The following PAK3 variants were observed in gnomAD, a reference collection of about 807,000 sequenced individuals.
PAK3 encodes p21 (RAC1) activated kinase 3.
In PAK3, 4 loss-of-function variants were observed where a neutral mutation model predicts 41.0. That is an observed-to-expected ratio of 0.10 (90% CI 0.05 to 0.22). The LOEUF (loss-of-function observed/expected upper bound fraction) is 0.22. Among genes scored for constraint, PAK3 ranks in the 10% least tolerant of loss-of-function variants. The pLI is 1.00. For missense variants in PAK3, 205 were observed against 409.9 expected, an observed-to-expected ratio of 0.50 and a Z score of 4.32; for synonymous variants, 146 against 139.6, an observed-to-expected ratio of 1.05 and a Z score of -0.32.
At chrX:111,139,348 T>G (rs1305690830) in intron 5 of PAK3, among the ~76,000 whole-genome samples, 1 of 111,734 alleles carries the variant, frequency 8.9e-6, no homozygotes, top group Admixed American at 9.5e-5. Flanking sequence ...TAATTTTGAA[T>G]ATATAGCTTA....
rs147397897 is a variant in PAK3 at position 111,148,545 on chromosome X, A to G, written c.430+655A>G. Among the ~76,000 whole-genome samples the G allele has an allele frequency of 3.1e-3, 347 of 111,666 alleles. 5 individuals carry two copies. Among genetic ancestry groups the G allele is most frequent in the East Asian group, 0.024 (85 of 3,536 alleles). On this transcript the variant is annotated intron_variant, in intron 7 of 17. Coordinates refer to ENST00000372007, the MANE Select transcript of PAK3 (RefSeq NM_002578.5). The stretch of plus-strand genomic sequence containing the variant: ...AAGACTGGGAAGAAAAAGAGGTTTA[A>G]TTGGACTTACGGTTCCACATGGCTG...
chrX:111,128,055 G>A (rs2093671872), intron 5 of PAK3, among the ~76,000 whole-genome samples: 1 of 112,550 alleles, frequency 8.9e-6, no homozygotes, highest in Non-Finnish European at 1.9e-5. Context: ...CAATGTTAAG[G>A]ACTTGAAGCT....
At chrX:111,122,255 GAAAA>G (rs747134804) in intron 4 of PAK3, among the ~76,000 whole-genome samples, 1 of 23,276 alleles carries the variant, frequency 4.3e-5, no homozygotes, top group African/African-American at 1.5e-4. Flanking sequence ...GACTCCATCT[GAAAA>G]AAAAAAAAAA....
intron 1 of PAK3, among the ~76,000 whole-genome samples, chrX:110,997,895 A>G (rs1443405229): frequency 9.0e-6 from 1 of 111,477 alleles, no homozygotes; most frequent in Non-Finnish European, 1.9e-5. Flanking sequence ...ACGTGAGGAC[A>G]CAGCAAGAAG....
rs1234305273 is a variant in PAK3, at chrX:111,173,058, A to G, written c.807A>G (p.Thr269=). ...TTGGGGACCCAAAGAAAAAATACAC[A>G]AGATTTGAAAAAATTGGTCAAGGGT... ...VSVGDPKKKY[T]RFEKIGQGAS... is the part of the protein sequence containing the mutation. The change falls in exon 11 of 18, where the codon ACA becomes ACG. Residue 269 remains threonine (T), a synonymous_variant. Transcript: ENST00000372007. The G allele has an allele frequency of 1.8e-6, 2 of 1,107,977 alleles. No individual in the cohort carries two copies. Among genetic ancestry groups the G allele is most frequent in the Admixed American group, 4.4e-5 (2 of 45,587 alleles). The allele number at this position is 1,107,977 out of a possible 1,213,427, so 91.3% of individuals were successfully genotyped here. A position where few individuals can be genotyped will look rare whatever the true frequency, so the allele number is the denominator to read the frequency against.
chrX:111,168,080 T>G (rs188409003), intron 10 of PAK3, among the ~76,000 whole-genome samples: 110 of 111,352 alleles, frequency 9.9e-4, no homozygotes, highest in Non-Finnish European at 1.8e-3. Flanking sequence ...ATTTAGAGAA[T>G]CTTTTTACTT....
chrX:111,117,672 A>C (rs2093490282), intron 4 of PAK3, among the ~76,000 whole-genome samples: 1 of 111,720 alleles, frequency 9.0e-6, no homozygotes, highest in South Asian at 3.8e-4. Flanking sequence ...CATTATGAAA[A>C]ACTTACTCCA....
At chrX:111,005,992 A>G (rs150923525) in intron 1 of PAK3, among the ~76,000 whole-genome samples, 57 of 111,659 alleles carry the variant, frequency 5.1e-4, no homozygotes, top group African/African-American at 1.8e-3. Flanking sequence ...TACCCTGCTG[A>G]CAAGAGTTCC....
rs1243556005 is a variant in PAK3, at chrX:111,060,898, T to TA, written c.-27-62171dup. On this transcript the variant is annotated intron_variant, in intron 1 of 14. Coordinates refer to the PAK3 transcript ENST00000425146. Reference sequence around the variant, plus strand: ...TTTTATTGCCAATACTTGATTTTTTTAAAAAAAATTACATTTTGAAAATTG... The same window carrying TA: ...TTTTATTGCCAATACTTGATTTTTTTAAAAAAAAATTACATTTTGAAAATTG... Among the ~76,000 whole-genome samples the TA allele has an allele frequency of 5.4e-5, 6 of 111,553 alleles. No individual in the cohort carries two copies. The East Asian group carries it at 1.1e-3, about 21-fold the overall frequency.
intron 1 of PAK3, among the ~76,000 whole-genome samples, chrX:111,079,919 A>C (rs767357537): frequency 1.8e-5 from 2 of 112,417 alleles, no homozygotes; most frequent in East Asian, 5.6e-4. Context: ...GATGTGGTAG[A>C]ATAGCAAAAG....
intron 1 of PAK3, among the ~76,000 whole-genome samples, chrX:111,071,654 A>G: frequency 8.9e-6 from 1 of 112,049 alleles, no homozygotes; most frequent in East Asian, 2.8e-4. Flanking sequence ...ATAGTTAATT[A>G]AAGCACTGGA....
In PAK3 at chrX:111,117,217, G is replaced by C. The variant is rs759398387; in HGVS notation, c.-27-5860G>C. Among the ~76,000 whole-genome samples, 14 of 111,728 alleles carry C rather than the reference G, an allele frequency of 1.3e-4. No individual in the cohort carries two copies. In the South Asian group the frequency reaches 2.3e-3, roughly 18 times the overall value. On this transcript the variant is annotated intron_variant, in intron 4 of 17. Coordinates refer to ENST00000372007, the MANE Select transcript of PAK3 (RefSeq NM_002578.5). ...GCATGAAGTGGGTTGAAATGAATAG[G>C]GTAGACCTGTCGTATGAATATTTTA...
intron 16 of PAK3, among the ~76,000 whole-genome samples, chrX:111,213,672 G>GA (rs2094845377): frequency 9.0e-6 from 1 of 111,435 alleles, no homozygotes; most frequent in African/African-American, 3.3e-5. Flanking sequence ...TACAGAGCAG[G>GA]AAAAAAAGGA....
intron 1 of PAK3, among the ~76,000 whole-genome samples, chrX:111,014,345 A>T (rs181723396): frequency 3.6e-5 from 4 of 111,605 alleles, no homozygotes; most frequent in African/African-American, 1.3e-4. Context: ...AGTAAAAAAA[A>T]TTAGGTAGTT....
intron 1 of PAK3, among the ~76,000 whole-genome samples, chrX:111,057,477 G>A (rs1236882936): frequency 9.0e-6 from 1 of 111,089 alleles, no homozygotes; most frequent in Non-Finnish European, 1.9e-5. Flanking sequence ...CTAAAAATAA[G>A]GACATTCTCT....
At chrX:111,025,509 G>A (rs186355316) in intron 1 of PAK3, among the ~76,000 whole-genome samples, 15 of 110,969 alleles carry the variant, frequency 1.4e-4, no homozygotes, top group African/African-American at 4.2e-4. Flanking sequence ...GCTACTATGA[G>A]CACCTATAAG....
At chrX:111,146,517 A>G in intron 6 of PAK3, 1 of 1,122,052 alleles carries the variant, frequency 8.9e-7, no homozygotes, top group African/African-American at 1.8e-5. Flanking sequence ...TACGTCCATT[A>G]CAGCCAGATC....
intron 1 of PAK3, among the ~76,000 whole-genome samples, chrX:111,003,203 A>T (rs2091875357): frequency 8.9e-6 from 1 of 112,140 alleles, no homozygotes; most frequent in Admixed American, 9.5e-5. Flanking sequence ...CCTGCAGCAC[A>T]GTGTCACCTT....
chrX:111,216,273 A>G, intron 16 of PAK3, 148 bp from the exon 17 acceptor site: 1 of 487,923 alleles, frequency 2.0e-6, no homozygotes, highest in East Asian at 3.4e-5. Flanking sequence ...TAAATGTTAT[A>G]GAAACTTTGA....
Sources: allele counts gnomAD v4.1 joint callset (sites outside exome capture counted in the v4.1 genomes callset), GRCh38; gene constraint gnomAD v4.1.1; transcripts MANE v1.5; gene names NCBI Gene and HGNC (gene_info 2026-07-23, HGNC 2026-07-21).